The following ZBTB20 variants were observed in gnomAD, a reference collection of about 807,000 sequenced individuals.
The protein encoded by ZBTB20 is zinc finger and BTB domain-containing protein 20.
ZBTB20 carries 9 observed loss-of-function variants against 56.9 expected under a neutral mutation model. That is an observed-to-expected ratio of 0.16 (90% CI 0.10 to 0.28). ZBTB20 has a LOEUF of 0.28. Ranked by LOEUF, ZBTB20 falls within the 10% of genes least tolerant of loss-of-function variation. The pLI, the probability that ZBTB20 is intolerant of heterozygous loss-of-function variation, is 1.00. For synonymous variants in ZBTB20, 417 were observed against 420.7 expected, an observed-to-expected ratio of 0.99 and a Z score of 0.11; for missense variants, 655 against 1,003.0, an observed-to-expected ratio of 0.65 and a Z score of 4.69.
chr3:114,589,507 C>T (rs954435115), intron 6 of ZBTB20, among the ~76,000 whole-genome samples: 1 of 152,102 alleles, frequency 6.6e-6, no homozygotes, highest in African/African-American at 2.4e-5. Flanking sequence ...TCCTGACAAC[C>T]TCAGGCATCT....
intron 1 of ZBTB20, among the ~76,000 whole-genome samples, chr3:115,122,835 A>G (rs1029609061): frequency 3.3e-5 from 5 of 152,108 alleles, no homozygotes; most frequent in African/African-American, 9.6e-5. Flanking sequence ...ACAAGCCTAC[A>G]TTGACATAGC....
intron 6 of ZBTB20, among the ~76,000 whole-genome samples, chr3:114,666,161 T>C (rs953342128): frequency 2.0e-5 from 3 of 152,026 alleles, no homozygotes; most frequent in African/African-American, 7.2e-5. Context: ...CCTTTTCCCT[T>C]TGTCTATTTC....
intron 7 of ZBTB20, among the ~76,000 whole-genome samples, chr3:114,457,312 T>C (rs2092078336): frequency 6.6e-6 from 1 of 152,178 alleles, no homozygotes; most frequent in African/African-American, 2.4e-5. Flanking sequence ...AAGGATGACA[T>C]GAGGAAACAT....
chr3:114,641,111 T>C (rs1351334872), intron 6 of ZBTB20, among the ~76,000 whole-genome samples: 2 of 152,084 alleles, frequency 1.3e-5, no homozygotes, highest in Non-Finnish European at 2.9e-5. Flanking sequence ...CTACATATGC[T>C]GTGAAAAGCT....
chr3:114,362,477 T>C (rs778132276), intron 10 of ZBTB20, among the ~76,000 whole-genome samples: 1 of 152,216 alleles, frequency 6.6e-6, no homozygotes, highest in Non-Finnish European at 1.5e-5. Flanking sequence ...CTCTGAGATA[T>C]GTCTATGTGA....
At chr3:114,371,926 A>C (rs1041865699) in intron 10 of ZBTB20, among the ~76,000 whole-genome samples, 7 of 126,052 alleles carry the variant, frequency 5.6e-5, no homozygotes, top group African/African-American at 1.6e-4. Flanking sequence ...AAAAGAAAGC[A>C]AAAAAAAAAA....
intron 10 of ZBTB20, chr3:114,359,423 ACACTTACGCCGT>A (rs2081578037): frequency 6.6e-6 from 1 of 152,216 alleles, no homozygotes; most frequent in African/African-American, 2.4e-5. Flanking sequence ...ATTCTGAAAG[ACACTTACGCCGT>A]CATTCCAAAG....
chr3:114,825,524 G>T (rs1300220177), intron 4 of ZBTB20, among the ~76,000 whole-genome samples: 2 of 151,872 alleles, frequency 1.3e-5, no homozygotes, highest in Middle Eastern at 3.2e-3. Context: ...GCCATGGGGA[G>T]ACCATGCAGC....
At chr3:114,783,809 T>G (rs202074485) in intron 5 of ZBTB20, among the ~76,000 whole-genome samples, 2 of 109,618 alleles carry the variant, frequency 1.8e-5, no homozygotes, top group Non-Finnish European at 4.0e-5. Context: ...AAAAAAAAAA[T>G]ACATCCTCAG....
chr3:114,954,179 A>T (rs1439773694), intron 3 of ZBTB20, among the ~76,000 whole-genome samples: 4 of 152,286 alleles, frequency 2.6e-5, no homozygotes, highest in African/African-American at 9.6e-5. Context: ...GACTTCAGTT[A>T]AGCTGAATAT....
intron 10 of ZBTB20, among the ~76,000 whole-genome samples, chr3:114,370,888 C>T (rs1275417766): frequency 2.6e-5 from 4 of 152,150 alleles, no homozygotes; most frequent in African/African-American, 4.8e-5. Flanking sequence ...TCTTTGATAA[C>T]TGCCTTTGTT....
chr3:115,087,341 GT>G (rs2083023887), intron 1 of ZBTB20, among the ~76,000 whole-genome samples: 1 of 151,638 alleles, frequency 6.6e-6, no homozygotes, highest in Admixed American at 6.6e-5. Context: ...CCTTTTTCCA[GT>G]TATATCTTCA....
chr3:114,461,304 CCCT>C (rs2092321074), intron 7 of ZBTB20, among the ~76,000 whole-genome samples: 1 of 151,366 alleles, frequency 6.6e-6, no homozygotes, highest in South Asian at 2.1e-4. Context: ...CCTCCCCCCC[CCCT>C]CTTTTTTTTT....
chr3:115,055,683 A>T lies in ZBTB20; in HGVS notation c.-507+15536T>A, dbSNP rs1344402443. On this transcript the variant is annotated intron_variant, in intron 2 of 11. Coordinates refer to ENST00000675478, the MANE Select transcript of ZBTB20 (RefSeq NM_001348800.3). ...AAACACTGTCCCTAGAAGACAGTAA[A>T]AGCTCAATGAATGTCATTTTTTATT... Among the ~76,000 whole-genome samples the T allele has an allele frequency of 2.6e-5, 4 of 151,986 alleles. No individual in the cohort carries two copies. In the East Asian group the frequency reaches 7.7e-4, roughly 29 times the overall value.
At chr3:115,004,552 A>G (rs1444530494) in intron 2 of ZBTB20, among the ~76,000 whole-genome samples, 2 of 151,742 alleles carry the variant, frequency 1.3e-5, no homozygotes, top group East Asian at 2.0e-4. Flanking sequence ...ATACATGTAT[A>G]AAGGAAAGAC....
At chr3:115,074,211 A>G (rs2082514805) in intron 1 of ZBTB20, among the ~76,000 whole-genome samples, 1 of 152,228 alleles carries the variant, frequency 6.6e-6, no homozygotes, top group Non-Finnish European at 1.5e-5. Flanking sequence ...TTGTTTACAG[A>G]ATAAAATGTA....
rs566454040 is a variant in ZBTB20 at position 114,539,430 on chromosome 3, G to GCTTC, written c.-294-39043_-294-39040dup. Among the ~76,000 whole-genome samples the GCTTC allele has an allele frequency of 3.3e-5, 5 of 152,040 alleles. No individual in the cohort carries two copies. The South Asian group carries it at 6.2e-4, about 19-fold the overall frequency. On this transcript the variant is annotated intron_variant, in intron 6 of 11. Coordinates refer to ENST00000675478, the MANE Select transcript of ZBTB20 (RefSeq NM_001348800.3). ...TATAGCAGTGTAAAGTTTTCAAAGT[G>GCTTC]CTTCCACATACACAGCTCTTATTTG...
chr3:115,029,319 C>A (rs1049813688), intron 2 of ZBTB20, among the ~76,000 whole-genome samples: 1 of 91,804 alleles, frequency 1.1e-5, no homozygotes, highest in Admixed American at 1.3e-4. Context: ...CAACCACTCT[C>A]AGAAGTCCAA....
At chr3:115,142,672 A>AG (rs1170187459) in intron 1 of ZBTB20, among the ~76,000 whole-genome samples, 1 of 152,060 alleles carries the variant, frequency 6.6e-6, no homozygotes, top group African/African-American at 2.4e-5. Context: ...AAAAAAAAAA[A>AG]AAAAATTCAA....
Sources: allele counts gnomAD v4.1 joint callset (sites outside exome capture counted in the v4.1 genomes callset), GRCh38; gene constraint gnomAD v4.1.1; transcripts MANE v1.5; gene names NCBI Gene and HGNC (gene_info 2026-07-23, HGNC 2026-07-21).